MYO1H: variants seen among roughly 807,000 people sequenced by gnomAD.
MYO1H encodes unconventional myosin-Ih.
A neutral mutation model predicts 149.3 loss-of-function variants in MYO1H; 118 were observed. The observed-to-expected ratio is 0.79, with a 90% confidence interval of 0.68 to 0.92. The LOEUF (loss-of-function observed/expected upper bound fraction) is 0.92, where lower values mean the gene tolerates loss of function less well. MYO1H is among the 40% of genes least tolerant of loss of function. The pLI is 0.00. For synonymous variants in MYO1H, 447 were observed against 465.2 expected (o/e 0.96, Z 0.50); for missense variants, 1,212 against 1,280.7 (o/e 0.95, Z 0.82).
At chr12:109,396,635 G>A in intron 4 of MYO1H, 53 bp downstream of exon 4, 1 of 1,518,906 alleles carries the variant, frequency 6.6e-7, no homozygotes, top group Non-Finnish European at 8.9e-7. Context: ...GTCACTAAGT[G>A]AGACAAATCC....
the MYO1H span, among the ~76,000 whole-genome samples, chr12:109,314,903 C>T: frequency 6.6e-6 from 1 of 152,072 alleles, no homozygotes; most frequent in Non-Finnish European, 1.5e-5. Context: ...AATTCGAGAC[C>T]AGCTTGGGCC....
At chr12:109,434,161 T>G (rs1871758922) in intron 20 of MYO1H, among the ~76,000 whole-genome samples, 1 of 152,072 alleles carries the variant, frequency 6.6e-6, no homozygotes, top group South Asian at 2.1e-4. Context: ...AGGTGCACAC[T>G]ACCACAATGG....
rs1280909706 is a variant in MYO1H at position 109,393,356 on chromosome 12, CTG to C, written c.203_204del (p.Val68GlufsTer24). 1.3e-6 allele frequency: 2 copies of C among 1,581,580 alleles called. No individual in the cohort carries two copies. The highest frequency in any genetic ancestry group is 1.7e-6 in the Non-Finnish European group (2 of 1,162,826). ...ACATATATTGGCACCCTCCTTGTGT[CTG>C]TGAATCCATACCAGGAGCTCGGAAT... On this transcript the variant is annotated frameshift_variant, in exon 3 of 32. Coordinates refer to ENST00000310903, the Ensembl canonical transcript of MYO1H. LOFTEE classifies it high-confidence loss of function.
the MYO1H span, among the ~76,000 whole-genome samples, chr12:109,340,824 A>G: frequency 6.6e-6 from 1 of 152,160 alleles, no homozygotes; most frequent in African/African-American, 2.4e-5. Flanking sequence ...TGTTCAATAG[A>G]TAGAAAGCAA....
chr12:109,440,853 C>A, intron 25 of MYO1H, 26 bp downstream of exon 25: 3 of 669,874 alleles, frequency 4.5e-6, no homozygotes, highest in South Asian at 1.5e-5. Context: ...CTGCGGTGGC[C>A]GGTGGTGGGG....
intron 1 of MYO1H, among the ~76,000 whole-genome samples, chr12:109,351,435 A>G (rs928672436): frequency 6.6e-6 from 1 of 152,240 alleles, no homozygotes; most frequent in Non-Finnish European, 1.5e-5. Flanking sequence ...GACACTTATG[A>G]CAATATTTTA....
At chr12:109,376,195 T>A (rs1869084734) in intron 1 of MYO1H, among the ~76,000 whole-genome samples, 1 of 152,156 alleles carries the variant, frequency 6.6e-6, no homozygotes, top group Non-Finnish European at 1.5e-5. Flanking sequence ...ATCAACACAA[T>A]CAATTTTAGA....
intron 6 of MYO1H, among the ~76,000 whole-genome samples, chr12:109,401,814 A>AT (rs1305824098): frequency 4.0e-5 from 6 of 151,534 alleles, no homozygotes; most frequent in Non-Finnish European, 8.8e-5. Context: ...ATAATGGCTC[A>AT]TTGCAGCCTT....
At chr12:109,409,744 T>A (rs1267314331) in intron 11 of MYO1H, 120 bp downstream of exon 11, 2 of 911,040 alleles carry the variant, frequency 2.2e-6, no homozygotes, top group Non-Finnish European at 3.5e-6. Context: ...GTCTCTAGAT[T>A]TACATAGTTT....
At chr12:109,355,696 G>GTTTGGT (rs1479049157) in intron 1 of MYO1H, among the ~76,000 whole-genome samples, 1 of 150,828 alleles carries the variant, frequency 6.6e-6, no homozygotes, top group East Asian at 2.0e-4. Flanking sequence ...GTTTTGTTTG[G>GTTTGGT]TTTGGTTTTT....
intron 1 of MYO1H, among the ~76,000 whole-genome samples, chr12:109,386,398 T>C (rs986066277): frequency 1.3e-5 from 2 of 152,236 alleles, no homozygotes; most frequent in Admixed American, 6.5e-5. Context: ...GATCAAAGAA[T>C]AGAGGCATGG....
chr12:109,379,891 C>G (rs1185638329), intron 1 of MYO1H, among the ~76,000 whole-genome samples: 1 of 151,888 alleles, frequency 6.6e-6, no homozygotes, highest in Non-Finnish European at 1.5e-5. Context: ...CACCACCACA[C>G]CTAGCTAATT....
intron 9 of MYO1H, among the ~76,000 whole-genome samples, 172 bp from the exon 10 acceptor site, chr12:109,407,622 A>G (rs900063442): frequency 6.8e-5 from 10 of 146,614 alleles, no homozygotes; most frequent in African/African-American, 2.6e-4. Context: ...AAAAAAAAAA[A>G]GCGAGGCATG....
At position 109,409,225 on chromosome 12, in the gene MYO1H, T is replaced by TCCTTCTTC. The variant is rs1870538108; in HGVS notation, c.1156-332_1156-331insCCTTCTTC. On this transcript the variant is annotated intron_variant, in intron 10 of 31. Transcript: ENST00000310903. ...TCTCCTTCTTCTTCTCCTTCTTCTT[T>TCCTTCTTC]TTCTTCTTCTTCTTCTTCTTCTTTT... 1.3e-3 allele frequency among the ~76,000 whole-genome samples: 140 copies of TCCTTCTTC among 105,054 alleles called. 3 individuals are homozygous for TCCTTCTTC. The highest frequency in any genetic ancestry group is 5.2e-3 in the African/African-American group (129 of 24,824). 68.9% of individuals were successfully genotyped at this position (105,054 alleles called of 152,430 possible).
chr12:109,388,879 G>A (rs756185315), intron 2 of MYO1H, 35 bp downstream of exon 2: 6 of 1,571,168 alleles, frequency 3.8e-6, no homozygotes, highest in Non-Finnish European at 5.2e-6. Flanking sequence ...TTTTTCTAGG[G>A]TGGTTGTTCC....
chr12:109,399,259 C>A (rs997472266), intron 5 of MYO1H, among the ~76,000 whole-genome samples: 3 of 152,126 alleles, frequency 2.0e-5, no homozygotes, highest in African/African-American at 7.2e-5. Context: ...ACGTATGTGT[C>A]CACCTCTGTA....
intron 5 of MYO1H, among the ~76,000 whole-genome samples, chr12:109,400,371 C>G (rs1223294170): frequency 1.3e-5 from 2 of 152,144 alleles, no homozygotes; most frequent in African/African-American, 2.4e-5. Flanking sequence ...TATTCTTCAT[C>G]CTTTTGAGAA....
At chr12:109,438,706 T>C in intron 23 of MYO1H, 86 bp downstream of exon 23, 2 of 999,224 alleles carry the variant, frequency 2.0e-6, no homozygotes, top group Non-Finnish European at 3.0e-6. Flanking sequence ...GAGTTCTTTG[T>C]GATTTTTTGA....
exon 2 of MYO1H, chr12:109,388,844 C>T (rs1475676622): frequency 5.0e-6 from 8 of 1,603,514 alleles, no homozygotes; most frequent in Middle Eastern, 3.3e-4. Context: ...ACCTCATATA[C>T]GTAACGTGAC....
Sources: gnomAD v4.1 joint callset for allele counts (sites outside exome capture counted in the v4.1 genomes callset) on GRCh38, gnomAD v4.1.1 for gene constraint, MANE v1.5 for transcripts, NCBI Gene and HGNC (gene_info 2026-07-23, HGNC 2026-07-21) for gene names.